Variants in CREB3L2 observed in about 807,000 individuals in gnomAD.
CREB3L2 encodes the protein cAMP responsive element binding protein 3 like 2, also known as cyclic AMP-responsive element-binding protein 3-like protein 2.
CREB3L2 carries 23 observed loss-of-function variants against 57.2 expected under a neutral mutation model. The observed-to-expected ratio is 0.40, with a 90% CI of 0.29 to 0.57. The LOEUF is 0.57. Ranked by LOEUF, CREB3L2 falls within the 20% of genes least tolerant of loss-of-function variation. The pLI is 0.42. For missense variants in CREB3L2, 628 were observed against 634.7 expected (o/e 0.99, Z 0.11); for synonymous variants, 268 against 265.1 (o/e 1.01, Z -0.11).
At chr7:137,932,577 AAAC>A (rs564690931) in intron 1 of CREB3L2, among the ~76,000 whole-genome samples, 134 of 152,144 alleles carry the variant, frequency 8.8e-4, no homozygotes, top group Non-Finnish European at 1.6e-3. Flanking sequence ...TACAAAAAAT[AAAC>A]AACAACAACA....
chr7:137,930,028 G>A (rs1427203897), intron 1 of CREB3L2, among the ~76,000 whole-genome samples: 1 of 151,532 alleles, frequency 6.6e-6, no homozygotes, highest in African/African-American at 2.4e-5. Flanking sequence ...TGAGTAGCTG[G>A]GACTACAGGC....
chr7:137,908,566 C>A, intron 4 of CREB3L2, 130 bp from the exon 5 acceptor site: 1 of 544,276 alleles, frequency 1.8e-6, no homozygotes, highest in Non-Finnish European at 2.8e-6. Flanking sequence ...AGGTGCAGAG[C>A]GTGGATATGG....
At chr7:137,988,443 A>G (rs1348302968) in intron 1 of CREB3L2, among the ~76,000 whole-genome samples, 3 of 152,166 alleles carry the variant, frequency 2.0e-5, no homozygotes, top group South Asian at 2.1e-4. Flanking sequence ...TGTCCTTATT[A>G]TTATGTCATA....
At chr7:137,930,100 T>C (rs1397214855) in intron 1 of CREB3L2, among the ~76,000 whole-genome samples, 1 of 151,840 alleles carries the variant, frequency 6.6e-6, no homozygotes, top group Non-Finnish European at 1.5e-5. Context: ...GGTTTCACCA[T>C]GTTAGCCAGG....
intron 3 of CREB3L2, among the ~76,000 whole-genome samples, chr7:137,914,883 T>C (rs1800093570): frequency 6.6e-6 from 1 of 152,108 alleles, no homozygotes. Flanking sequence ...CTACATCTTT[T>C]TTTCTTTCTT....
Position 137,916,028 on chromosome 7 carries a change from C to T in CREB3L2, c.320-16G>A, listed in dbSNP as rs1463970671. The T allele has an allele frequency of 3.1e-6, 5 of 1,606,496 alleles. No homozygotes were observed. Among genetic ancestry groups the T allele is most frequent in the Non-Finnish European group, 4.3e-6 (5 of 1,176,238 alleles). Reference sequence around the variant, plus strand: ...TCCACCTCATCTGCAGGAAAAAAGACAAGCACACATGTGAACTTGTTCAGG... The same window carrying T: ...TCCACCTCATCTGCAGGAAAAAAGATAAGCACACATGTGAACTTGTTCAGG... On this transcript the variant is annotated splice_polypyrimidine_tract_variant and intron_variant, in intron 2 of 11. Transcript: ENST00000330387.
chr7:137,912,732 A>T, intron 4 of CREB3L2: 1 of 1,039,800 alleles, frequency 9.6e-7, no homozygotes. Flanking sequence ...AGTTTTGAAA[A>T]ATATCACCCT....
chr7:137,978,881 A>G (rs1195631216), intron 1 of CREB3L2, among the ~76,000 whole-genome samples: 7 of 152,018 alleles, frequency 4.6e-5, no homozygotes, highest in Admixed American at 2.6e-4. Context: ...AGAAACACAC[A>G]CTCATTTCAC....
intron 7 of CREB3L2, 59 bp from the exon 8 acceptor site, chr7:137,901,481 G>A (rs955650414): frequency 1.8e-6 from 2 of 1,128,484 alleles, no homozygotes; most frequent in Admixed American, 3.5e-5. Context: ...TAAGCTAGGA[G>A]CTAGGGTGGA....
rs931865783 is a variant in CREB3L2 at position 137,880,322 on chromosome 7, A to T, written c.*154T>A. On this transcript the variant is annotated 3_prime_UTR_variant, in exon 12 of 12. Coordinates refer to ENST00000330387, the MANE Select transcript of CREB3L2 (RefSeq NM_194071.4). This position sits in a 1 kb window ranked among gnomAD's most constrained non-coding sequence, Gnocchi z 4.0. ...CCAGGGGGAGATGCTCTCTCACTGC[A>T]GGGAAGTCCCAGGCTGGTCTCCAAT... 3 of 655,970 alleles carry T rather than the reference A, an allele frequency of 4.6e-6. No homozygotes were observed. The African/African-American group carries it at 5.4e-5, about 12-fold the overall frequency. 40.6% of individuals were successfully genotyped at this position (655,970 alleles called of 1,614,324 possible).
At chr7:137,997,693 A>T (rs1563277586) in intron 1 of CREB3L2, among the ~76,000 whole-genome samples, 1 of 152,040 alleles carries the variant, frequency 6.6e-6, no homozygotes, top group Non-Finnish European at 1.5e-5. Flanking sequence ...GAGCAACTGC[A>T]CTCTAGTCTG....
chr7:137,936,722 G>A (rs1162253197), intron 1 of CREB3L2, among the ~76,000 whole-genome samples: 1 of 152,106 alleles, frequency 6.6e-6, no homozygotes, highest in Non-Finnish European at 1.5e-5. Context: ...CAGACGGCAG[G>A]GGGATTCCAT....
intron 1 of CREB3L2, among the ~76,000 whole-genome samples, chr7:137,996,706 G>A (rs1271661175): frequency 1.3e-5 from 2 of 152,182 alleles, no homozygotes; most frequent in Non-Finnish European, 1.5e-5. Flanking sequence ...CTGGACACCA[G>A]GCAGGTCGAA....
At position 137,905,776 on chromosome 7, in the gene CREB3L2, T is replaced by C; in HGVS notation, c.841A>G (p.Ile281Val). The change falls in exon 6 of 12, where the codon ATC becomes GTC. Residue 281 changes from isoleucine to valine, a missense_variant. By Grantham distance (29) the Ile-to-Val change is conservative (BLOSUM62 3). Transcript: ENST00000330387. ...TTTGACAGGGGCAATTTGGTGGGGA[T>C]GGGATAGCCCTCAGCGATCAGGGTC... ...KRTLIAEGYP[I>V]PTKLPLSKSE... is the part of the protein sequence containing the mutation. The C allele has an allele frequency of 1.2e-6, 2 of 1,614,090 alleles. No individual in the cohort carries two copies. The highest frequency in any genetic ancestry group is 2.2e-5 in the South Asian group (2 of 91,080).
In CREB3L2 at chr7:138,001,518, C is replaced by G; in HGVS notation, c.102+86G>C. The stretch of plus-strand genomic sequence containing the variant: ...CATGCCCTGCCCCAAACCCTGCCTT[C>G]CCGGGTCCCAGGACTCCAGCTGCTC... On this transcript the variant is annotated intron_variant, in intron 1 of 11. Coordinates refer to ENST00000330387, the MANE Select transcript of CREB3L2 (RefSeq NM_194071.4). The surrounding 1 kb of genome is among the most constrained non-coding windows in gnomAD (Gnocchi z 4.2). 9.9e-7 allele frequency: 1 copy of G among 1,011,328 alleles called. No homozygotes were observed. The highest frequency in any genetic ancestry group is 1.5e-6 in the Non-Finnish European group (1 of 676,612). The allele number at this position is 1,011,328 out of a possible 1,614,324, so 62.6% of individuals were successfully genotyped here. A position where few individuals can be genotyped will look rare whatever the true frequency, so the allele number is the denominator to read the frequency against.
intron 1 of CREB3L2, among the ~76,000 whole-genome samples, chr7:137,938,448 C>T (rs1448617850): frequency 2.0e-5 from 3 of 152,098 alleles, no homozygotes; most frequent in Non-Finnish European, 4.4e-5. Flanking sequence ...TGGGTTCAAG[C>T]GATTCTCTTG....
intron 2 of CREB3L2, among the ~76,000 whole-genome samples, chr7:137,921,600 G>C (rs1000872776): frequency 4.6e-5 from 7 of 152,036 alleles, no homozygotes; most frequent in African/African-American, 1.7e-4. Context: ...GCATTGAATG[G>C]ATACTGATTG....
chr7:137,974,618 A>C (rs894688355), intron 1 of CREB3L2, among the ~76,000 whole-genome samples: 4 of 152,252 alleles, frequency 2.6e-5, no homozygotes, highest in Non-Finnish European at 4.4e-5. Flanking sequence ...CTACTGCAAT[A>C]GTCCTGGCAA....
intron 1 of CREB3L2, chr7:137,999,599 G>A (rs1802044292): frequency 6.6e-6 from 1 of 152,096 alleles, no homozygotes; most frequent in African/African-American, 2.4e-5. Flanking sequence ...CTCTGCCCCT[G>A]GATATCTAAC....
Sources: allele counts gnomAD v4.1 joint callset (sites outside exome capture counted in the v4.1 genomes callset), GRCh38; gene constraint gnomAD v4.1.1; non-coding constraint Gnocchi (gnomAD v3.1); transcripts MANE v1.5; gene names NCBI Gene and HGNC (gene_info 2026-07-23, HGNC 2026-07-21).